The following ATF1 variants were observed in gnomAD, a reference collection of about 807,000 sequenced individuals.
The protein encoded by ATF1 is activating transcription factor 1.
In ATF1, 16 loss-of-function variants were observed where a neutral mutation model predicts 34.7. The ratio of observed to expected loss-of-function variants is 0.46; its 90% CI spans 0.31 to 0.70. The LOEUF (loss-of-function observed/expected upper bound fraction) is 0.70, where lower values mean the gene tolerates loss of function less well. Ranked by LOEUF, ATF1 falls within the 30% of genes least tolerant of loss-of-function variation. The probability of loss-of-function intolerance (pLI) is 0.05; values close to 1 mark genes in which losing one functional copy is unlikely to be tolerated. For missense variants in ATF1, 255 were observed against 321.6 expected (o/e 0.79, Z 1.58); for synonymous variants, 105 against 113.1 (o/e 0.93, Z 0.46).
chr12:50,796,073 T>C, intron 3 of ATF1, 64 bp downstream of exon 3: 2 of 1,355,692 alleles, frequency 1.5e-6, no homozygotes, highest in Non-Finnish European at 2.1e-6. Context: ...CAAGAGGTGC[T>C]GTGCAAAGTA....
At chr12:50,785,775 G>A (rs1438590587) in intron 2 of ATF1, among the ~76,000 whole-genome samples, 2 of 152,114 alleles carry the variant, frequency 1.3e-5, no homozygotes, top group East Asian at 1.9e-4. Flanking sequence ...GCTCCTAAAG[G>A]CCACCAGTAA....
rs143762306 is a variant in ATF1, at chr12:50,775,082, A to G, written c.-6-5058A>G. Among the ~76,000 whole-genome samples, 269 of 151,748 alleles carry G rather than the reference A, an allele frequency of 1.8e-3. 1 individual carries two copies. Among genetic ancestry groups the G allele is most frequent in the African/African-American group, 6.2e-3 (257 of 41,418 alleles). ...GATATGTTGATTCTTCATGTATACA[A>G]TAATGGAAAATATGTTATCTTTTGT... On this transcript the variant is annotated intron_variant, in intron 1 of 6. Coordinates refer to ENST00000262053, the MANE Select transcript of ATF1 (RefSeq NM_005171.5).
At chr12:50,799,496 A>G (rs1283701146) in intron 3 of ATF1, among the ~76,000 whole-genome samples, 2 of 152,224 alleles carry the variant, frequency 1.3e-5, no homozygotes, top group Non-Finnish European at 2.9e-5. Context: ...TCAAAGAACA[A>G]GGAAAAATCT....
chr12:50,783,800 G>A (rs1395391723), intron 2 of ATF1, among the ~76,000 whole-genome samples: 3 of 150,926 alleles, frequency 2.0e-5, no homozygotes, highest in Non-Finnish European at 4.4e-5. Context: ...TGGGGAGGTG[G>A]AGGTTGCAGT....
In ATF1 at chr12:50,819,943, G is replaced by T; in HGVS notation, c.*164G>T. 1.8e-6 allele frequency: 1 copy of T among 567,632 alleles called. No homozygotes were observed. Among genetic ancestry groups the T allele is most frequent in the East Asian group, 3.3e-5 (1 of 29,946 alleles). 35.2% of individuals were successfully genotyped at this position (567,632 alleles called of 1,614,324 possible). Reference sequence around the variant, plus strand: ...ATATCTAGTGACAGAGGAGAAAGTGGAAAATGACCTCAAGGAAGCTACGGG... The same window carrying T: ...ATATCTAGTGACAGAGGAGAAAGTGTAAAATGACCTCAAGGAAGCTACGGG... On this transcript the variant is annotated 3_prime_UTR_variant, in exon 7 of 7. Transcript: ENST00000262053.
chr12:50,785,663 A>G (rs1941172168), intron 2 of ATF1, among the ~76,000 whole-genome samples: 1 of 152,164 alleles, frequency 6.6e-6, no homozygotes, highest in African/African-American at 2.4e-5. Flanking sequence ...AGAAGAATCT[A>G]CTTCCAAGGT....
chr12:50,799,843 A>G (rs1941479840), intron 3 of ATF1, among the ~76,000 whole-genome samples: 1 of 152,230 alleles, frequency 6.6e-6, no homozygotes, highest in African/African-American at 2.4e-5. Flanking sequence ...AAAATTATCT[A>G]ATTCTCAGCG....
At chr12:50,797,048 G>T (rs1322101339) in intron 3 of ATF1, among the ~76,000 whole-genome samples, 1 of 152,192 alleles carries the variant, frequency 6.6e-6, no homozygotes, top group East Asian at 1.9e-4. Flanking sequence ...AAGACAAAAT[G>T]AGAGAACCTG....
intron 1 of ATF1, among the ~76,000 whole-genome samples, chr12:50,769,120 G>C (rs890237457): frequency 6.6e-6 from 1 of 152,218 alleles, no homozygotes; most frequent in Non-Finnish European, 1.5e-5. Flanking sequence ...TTACATGTAA[G>C]GTGTGTAGTA....
intron 2 of ATF1, among the ~76,000 whole-genome samples, chr12:50,792,423 G>A (rs908434264): frequency 7.2e-5 from 11 of 152,068 alleles, no homozygotes; most frequent in African/African-American, 2.2e-4. Flanking sequence ...ATGGATCTGC[G>A]CCAGTGACAA....
chr12:50,796,494 A>G (rs1189725470), intron 3 of ATF1, among the ~76,000 whole-genome samples: 2 of 152,182 alleles, frequency 1.3e-5, no homozygotes, highest in Non-Finnish European at 2.9e-5. Context: ...TGAGGTTAGG[A>G]GTTTGAGACC....
At chr12:50,777,489 T>G (rs1210381893) in intron 1 of ATF1, among the ~76,000 whole-genome samples, 3 of 152,196 alleles carry the variant, frequency 2.0e-5, no homozygotes, top group Non-Finnish European at 4.4e-5. Context: ...AAAAATGAAT[T>G]TGGGCTGGGC....
chr12:50,791,673 T>C (rs1295976690), intron 2 of ATF1, among the ~76,000 whole-genome samples: 1 of 152,166 alleles, frequency 6.6e-6, no homozygotes, highest in Non-Finnish European at 1.5e-5. Flanking sequence ...GGATTTTATT[T>C]TGTGATTTAA....
chr12:50,785,586 C>T (rs757254215), intron 2 of ATF1, among the ~76,000 whole-genome samples: 2 of 152,144 alleles, frequency 1.3e-5, no homozygotes, highest in Non-Finnish European at 2.9e-5. Flanking sequence ...CTTTGCTTTG[C>T]GGTCTCACAC....
At chr12:50,815,552 A>ATTTT (rs34472221) in intron 6 of ATF1, among the ~76,000 whole-genome samples, 1 of 144,330 alleles carries the variant, frequency 6.9e-6, no homozygotes. Context: ...CACCCAGCTA[A>ATTTT]TTTTTTTTTT....
In ATF1 at chr12:50,795,921, T is replaced by G. The variant is rs1296432120; in HGVS notation, c.106T>G (p.Ser36Ala). The G allele has an allele frequency of 6.2e-7, 1 of 1,612,348 alleles. No homozygotes were observed. The highest frequency in any genetic ancestry group is 2.2e-5 in the East Asian group (1 of 44,880). ...SHIAQQVSSL[S>A]ESEESQDSSD... ...AGTTCTTTTTTAGGTATCATCTTTATCAGAAAGTGAGGAGTCCCAGGACTC... is the reference window on the plus strand; with the variant it reads ...AGTTCTTTTTTAGGTATCATCTTTAGCAGAAAGTGAGGAGTCCCAGGACTC... Residue 36 changes from serine to alanine, a missense_variant, in exon 3 of 7, where the codon TCA becomes GCA. By Grantham distance (99) the Ser-to-Ala change is moderately conservative. This residue lies in a region of ATF1 where 221 missense variants were observed against 250.7 expected (regional missense o/e 0.88). Transcript: ENST00000262053.
intron 2 of ATF1, among the ~76,000 whole-genome samples, chr12:50,786,606 G>T (rs1052958768): frequency 3.9e-5 from 6 of 152,066 alleles, no homozygotes; most frequent in African/African-American, 1.4e-4. Context: ...GCTTTAAGCC[G>T]CTGGGAAAAA....
At chr12:50,818,483 G>C (rs1941886519) in intron 6 of ATF1, among the ~76,000 whole-genome samples, 1 of 152,142 alleles carries the variant, frequency 6.6e-6, no homozygotes, top group African/African-American at 2.4e-5. Flanking sequence ...AGAGCTTAAA[G>C]GTAAAAATAA....
chr12:50,769,152 G>T (rs1940710379), intron 1 of ATF1, among the ~76,000 whole-genome samples: 1 of 152,158 alleles, frequency 6.6e-6, no homozygotes, highest in Admixed American at 6.6e-5. Context: ...ATGTACTTTT[G>T]GTAAAAGATT....
Sources: gnomAD v4.1 joint callset for allele counts (sites outside exome capture counted in the v4.1 genomes callset) on GRCh38, gnomAD v4.1.1 for gene constraint, gnomAD v4.1.1 regional missense constraint, MANE v1.5 for transcripts, NCBI Gene and HGNC (gene_info 2026-07-23, HGNC 2026-07-21) for gene names.